Variants in ZBTB7C observed in about 807,000 individuals in gnomAD.
The protein encoded by ZBTB7C is zinc finger and BTB domain-containing protein 7C.
Under a neutral mutation model 25.7 loss-of-function variants are expected in ZBTB7C, and 8 were observed. The observed-to-expected ratio is 0.31, with a 90% CI of 0.18 to 0.56. The LOEUF (loss-of-function observed/expected upper bound fraction) is 0.56, where lower values mean the gene tolerates loss of function less well. Ranked by LOEUF, ZBTB7C falls within the 20% of genes least tolerant of loss-of-function variation. ZBTB7C has a pLI of 0.91. For missense variants in ZBTB7C, 824 were observed against 855.2 expected (o/e 0.96, Z 0.46); for synonymous variants, 394 against 369.0 (o/e 1.07, Z -0.78).
intron 2 of ZBTB7C, among the ~76,000 whole-genome samples, chr18:48,315,265 G>T (rs1441673710): frequency 6.6e-6 from 1 of 152,208 alleles, no homozygotes; most frequent in Non-Finnish European, 1.5e-5. Flanking sequence ...GCAAACCAAC[G>T]CTGGATGAGG....
At chr18:48,239,444 C>T (rs189718193) in intron 2 of ZBTB7C, among the ~76,000 whole-genome samples, 1 of 152,290 alleles carries the variant, frequency 6.6e-6, no homozygotes, top group East Asian at 1.9e-4. Flanking sequence ...AAACTACAAC[C>T]AAGGACCCTA....
chr18:48,266,086 A>C (rs2044304929), intron 2 of ZBTB7C, among the ~76,000 whole-genome samples: 1 of 152,192 alleles, frequency 6.6e-6, no homozygotes, highest in Non-Finnish European at 1.5e-5. Flanking sequence ...GGGTGAGGGA[A>C]GGCTCCTTGT....
chr18:48,191,330 C>G (rs963716757), intron 2 of ZBTB7C, among the ~76,000 whole-genome samples: 1 of 152,228 alleles, frequency 6.6e-6, no homozygotes, highest in Non-Finnish European at 1.5e-5. Flanking sequence ...GCCCTGCCAT[C>G]GACCAGCTGT....
At chr18:48,136,166 G>C (rs985141459) in intron 3 of ZBTB7C, among the ~76,000 whole-genome samples, 17 of 152,092 alleles carry the variant, frequency 1.1e-4, no homozygotes, top group African/African-American at 4.1e-4. Flanking sequence ...CGCTGCGCCC[G>C]CCTGCAGGAA....
intron 2 of ZBTB7C, among the ~76,000 whole-genome samples, chr18:48,214,901 A>G (rs906489698): frequency 6.6e-6 from 1 of 152,222 alleles, no homozygotes; most frequent in Non-Finnish European, 1.5e-5. Context: ...ACATAGGTGT[A>G]CAAGGATCTG....
chr18:48,207,648 TTCCCTA>T (rs1438991556), intron 2 of ZBTB7C, among the ~76,000 whole-genome samples: 15 of 117,476 alleles, frequency 1.3e-4, no homozygotes, highest in African/African-American at 3.9e-4. Flanking sequence ...GAGACTGGAT[TTCCCTA>T]TGTTGCCCAG....
At chr18:48,129,276 C>T (rs1429066496) in intron 3 of ZBTB7C, among the ~76,000 whole-genome samples, 1 of 151,782 alleles carries the variant, frequency 6.6e-6, no homozygotes, top group Non-Finnish European at 1.5e-5. Context: ...TTCATAACTT[C>T]CCAATGTCCC....
chr18:48,191,477 G>T (rs1234278609), intron 2 of ZBTB7C, among the ~76,000 whole-genome samples: 1 of 152,264 alleles, frequency 6.6e-6, no homozygotes, highest in Non-Finnish European at 1.5e-5. Context: ...AACACTTGGT[G>T]CAGGACCTCA....
At chr18:48,181,167 G>C (rs1339819313) in intron 3 of ZBTB7C, among the ~76,000 whole-genome samples, 1 of 152,188 alleles carries the variant, frequency 6.6e-6, no homozygotes, top group Non-Finnish European at 1.5e-5. Flanking sequence ...TATCTTCATA[G>C]AAGAGGGAAC....
At chr18:48,232,915 A>T (rs1382481248) in intron 2 of ZBTB7C, among the ~76,000 whole-genome samples, 1 of 152,208 alleles carries the variant, frequency 6.6e-6, no homozygotes, top group Non-Finnish European at 1.5e-5. Context: ...CCCCTGGTTG[A>T]GTGTTGGAGG....
chr18:48,067,333 G>A (rs143258825), intron 3 of ZBTB7C, among the ~76,000 whole-genome samples: 1 of 152,160 alleles, frequency 6.6e-6, no homozygotes, highest in African/African-American at 2.4e-5. Flanking sequence ...TGGATGAGTT[G>A]TTGACCACTT....
chr18:48,029,535 T>A lies in ZBTB7C; in HGVS notation c.1585A>T (p.Ser529Cys). The change falls in exon 5 of 5, where the codon AGC (serine) becomes TGC (cysteine). Residue 529 changes from serine (S) to cysteine (C), a missense_variant. Ser to Cys is a moderately radical substitution (Grantham distance 112). Transcript: ENST00000590800. ...GGAAVCLPGP[S>C]PAKHFLAAPK... ...GCTGCCAGGAAGTGCTTGGCGGGGC[T>A]GGGGCCCGGGAGGCACACAGCTGCG... The A allele has an allele frequency of 6.4e-7, 1 of 1,570,684 alleles. No individual in the cohort carries two copies. The highest frequency in any genetic ancestry group is 8.6e-7 in the Non-Finnish European group (1 of 1,167,938).
At chr18:48,156,891 A>G (rs2040856205) in intron 3 of ZBTB7C, among the ~76,000 whole-genome samples, 2 of 151,468 alleles carry the variant, frequency 1.3e-5, no homozygotes, top group Admixed American at 6.6e-5. Flanking sequence ...GGGGATGGAG[A>G]GTGGACCCCA....
intron 1 of ZBTB7C, among the ~76,000 whole-genome samples, chr18:48,395,462 TGTGTGTGTGTG>T (rs2048009030): frequency 3.0e-5 from 1 of 33,254 alleles, no homozygotes; most frequent in African/African-American, 3.1e-4. Context: ...TCTATTCAAA[TGTGTGTGTGTG>T]TGTGTGTGTG....
intron 1 of ZBTB7C, among the ~76,000 whole-genome samples, chr18:48,340,271 G>A (rs1479570520): frequency 6.6e-6 from 1 of 152,198 alleles, no homozygotes; most frequent in East Asian, 1.9e-4. Context: ...ATAGGCCAAA[G>A]GCCAGGAAAC....
At chr18:48,078,604 G>A (rs758177332) in intron 3 of ZBTB7C, among the ~76,000 whole-genome samples, 2 of 152,150 alleles carry the variant, frequency 1.3e-5, no homozygotes, top group African/African-American at 2.4e-5. Context: ...GCACTGCCCC[G>A]ACTAACTGAA....
At chr18:48,393,495 G>C (rs1025515187) in intron 1 of ZBTB7C, among the ~76,000 whole-genome samples, 9 of 151,966 alleles carry the variant, frequency 5.9e-5, no homozygotes, top group Admixed American at 5.9e-4. Flanking sequence ...GAATTCTATG[G>C]CATGTAAATT....
chr18:48,177,145 C>A (rs1021069748), intron 3 of ZBTB7C, among the ~76,000 whole-genome samples: 3 of 152,226 alleles, frequency 2.0e-5, no homozygotes, highest in Non-Finnish European at 4.4e-5. Flanking sequence ...TTCCAAGAGC[C>A]ATTTCTGGCC....
chr18:48,273,067 A>G (rs2044540036), intron 2 of ZBTB7C, among the ~76,000 whole-genome samples: 1 of 152,208 alleles, frequency 6.6e-6, no homozygotes, highest in African/African-American at 2.4e-5. Context: ...ACATTCTGGA[A>G]TTAGTATTAA....
Sources: allele counts gnomAD v4.1 joint callset (sites outside exome capture counted in the v4.1 genomes callset), GRCh38; gene constraint gnomAD v4.1.1; transcripts MANE v1.5; gene names NCBI Gene and HGNC (gene_info 2026-07-23, HGNC 2026-07-21).